Variants in TENM3 observed in about 807,000 individuals in gnomAD.
The protein encoded by TENM3 is teneurin-3.
A neutral mutation model predicts 255.1 loss-of-function variants in TENM3; 63 were observed. The observed-to-expected ratio is 0.25, with a 90% CI of 0.20 to 0.30. The LOEUF (loss-of-function observed/expected upper bound fraction) is 0.30, where lower values mean the gene tolerates loss of function less well. Among genes scored for constraint, TENM3 ranks in the 10% least tolerant of loss-of-function variants. The pLI is 1.00. For synonymous variants in TENM3, 1,306 were observed against 1,322.3 expected (o/e 0.99, Z 0.27); for missense variants, 2,929 against 3,461.1 (o/e 0.85, Z 3.86).
the TENM3 span, among the ~76,000 whole-genome samples, chr4:182,105,772 T>C: frequency 3.9e-5 from 6 of 152,192 alleles, no homozygotes; most frequent in Non-Finnish European, 7.3e-5. Context: ...GTCCACATGA[T>C]TGATCTCTGT....
the TENM3 span, among the ~76,000 whole-genome samples, chr4:182,124,647 CG>C: frequency 6.6e-6 from 1 of 152,104 alleles, no homozygotes; most frequent in Admixed American, 6.5e-5. Flanking sequence ...CAGGAGAGAA[CG>C]GTGTCCAGAA....
chr4:182,190,691 T>C (rs1335053586), intron 1 of TENM3, among the ~76,000 whole-genome samples: 3 of 152,148 alleles, frequency 2.0e-5, no homozygotes, highest in African/African-American at 7.2e-5. Context: ...ATACTATGTC[T>C]TACTAAATAA....
chr4:182,737,978 T>C (rs1325733215), intron 17 of TENM3, among the ~76,000 whole-genome samples: 1 of 152,196 alleles, frequency 6.6e-6, no homozygotes, highest in African/African-American at 2.4e-5. Context: ...TGAACCTTAC[T>C]TATCATAAAT....
chr4:181,523,380 A>G, the TENM3 span, among the ~76,000 whole-genome samples: 921 of 152,158 alleles, frequency 6.1e-3, 7 homozygotes, highest in African/African-American at 0.021. Flanking sequence ...TATTTCATGC[A>G]AACTTTTTTA....
intron 3 of TENM3, among the ~76,000 whole-genome samples, chr4:182,353,107 T>TA (rs148720854): frequency 3.0e-3 from 455 of 152,210 alleles, no homozygotes; most frequent in African/African-American, 0.011. Flanking sequence ...GAGGAAGGGG[T>TA]ACTGTCTTAG....
the TENM3 span, among the ~76,000 whole-genome samples, chr4:181,787,447 C>T: frequency 6.6e-6 from 1 of 151,926 alleles, no homozygotes; most frequent in Non-Finnish European, 1.5e-5. Flanking sequence ...CAAGCAATTC[C>T]CCTGCTCAGC....
At chr4:182,153,754 C>T (rs994426193) in intron 1 of TENM3, among the ~76,000 whole-genome samples, 6 of 152,074 alleles carry the variant, frequency 3.9e-5, no homozygotes, top group Non-Finnish European at 1.5e-5. Flanking sequence ...GGAATCTTAA[C>T]ATATCAAGTT....
chr4:182,483,382 C>G (rs1391022784), intron 3 of TENM3, among the ~76,000 whole-genome samples: 1 of 152,076 alleles, frequency 6.6e-6, no homozygotes, highest in Non-Finnish European at 1.5e-5. Context: ...CAGTTGCAAG[C>G]CAATGACTTG....
the TENM3 span, among the ~76,000 whole-genome samples, chr4:181,618,120 TC>T: frequency 3.3e-5 from 5 of 152,198 alleles, no homozygotes; most frequent in Non-Finnish European, 7.3e-5. Context: ...GACATTTACT[TC>T]CCCTGAGTAT....
At chr4:182,037,170 C>T in the TENM3 span, among the ~76,000 whole-genome samples, 7 of 144,006 alleles carry the variant, frequency 4.9e-5, no homozygotes, top group South Asian at 4.3e-4. Context: ...TTTTGTGACA[C>T]GGAGTCTCAC....
At chr4:182,379,793 G>A (rs1039726456) in intron 3 of TENM3, among the ~76,000 whole-genome samples, 1 of 152,178 alleles carries the variant, frequency 6.6e-6, no homozygotes, top group Non-Finnish European at 1.5e-5. Context: ...TGGGGCCTTA[G>A]ACAGTTTTCT....
chr4:181,885,507 C>T, the TENM3 span, among the ~76,000 whole-genome samples: 1 of 152,040 alleles, frequency 6.6e-6, no homozygotes, highest in African/African-American at 2.4e-5. Context: ...GTGATCTGCC[C>T]GCCTCGGCCT....
At chr4:182,487,780 TA>T (rs554310149) in intron 3 of TENM3, among the ~76,000 whole-genome samples, 4 of 152,172 alleles carry the variant, frequency 2.6e-5, no homozygotes, top group Non-Finnish European at 4.4e-5. Flanking sequence ...GAGACCTAAA[TA>T]AAATTTAAGG....
At chr4:181,824,984 A>G in the TENM3 span, among the ~76,000 whole-genome samples, 9 of 152,330 alleles carry the variant, frequency 5.9e-5, no homozygotes, top group South Asian at 1.0e-3. Context: ...GTGTGAAGTT[A>G]TGGGCTACCT....
At chr4:182,527,110 A>G (rs932735050) in intron 3 of TENM3, among the ~76,000 whole-genome samples, 2 of 152,234 alleles carry the variant, frequency 1.3e-5, no homozygotes, top group South Asian at 2.1e-4. Flanking sequence ...CTTGAAAGCA[A>G]ATATTTCAAT....
chr4:181,855,060 A>G, the TENM3 span, among the ~76,000 whole-genome samples: 266 of 152,360 alleles, frequency 1.7e-3, no homozygotes, highest in African/African-American at 6.1e-3. Context: ...GAAAATAAAC[A>G]TACAAGAACT....
At chr4:181,780,431 T>C in the TENM3 span, among the ~76,000 whole-genome samples, 1 of 152,238 alleles carries the variant, frequency 6.6e-6, no homozygotes, top group Non-Finnish European at 1.5e-5. Context: ...TGCATAAATG[T>C]CTTCTTTTAG....
the TENM3 span, among the ~76,000 whole-genome samples, chr4:181,620,333 G>T: frequency 6.6e-6 from 1 of 152,034 alleles, no homozygotes; most frequent in East Asian, 1.9e-4. Flanking sequence ...ACGGGGGATT[G>T]GTTCCAGGAC....
chr4:182,152,719 G>A (rs1302645957), intron 1 of TENM3, among the ~76,000 whole-genome samples: 1 of 148,710 alleles, frequency 6.7e-6, no homozygotes, highest in South Asian at 2.2e-4. Context: ...CTTTACTAAA[G>A]ATAAAGTACT....
Sources: allele counts gnomAD v4.1 joint callset (sites outside exome capture counted in the v4.1 genomes callset), GRCh38; gene constraint gnomAD v4.1.1; transcripts MANE v1.5; gene names NCBI Gene and HGNC (gene_info 2026-07-23, HGNC 2026-07-21).